The following PTPRE variants were observed in gnomAD, a reference collection of about 807,000 sequenced individuals.
PTPRE encodes protein tyrosine phosphatase receptor type E.
Under a neutral mutation model 102.0 loss-of-function variants are expected in PTPRE, and 51 were observed. The ratio of observed to expected loss-of-function variants is 0.50; its 90% confidence interval spans 0.40 to 0.63. The LOEUF is 0.63. Among genes scored for constraint, PTPRE ranks in the 30% least tolerant of loss-of-function variants. The pLI is 0.00. For missense variants in PTPRE, 752 were observed against 915.1 expected (o/e 0.82, Z 2.30); for synonymous variants, 345 against 348.2 (o/e 0.99, Z 0.10).
intron 17 of PTPRE, 38 bp downstream of exon 17, chr10:128,073,509 C>G (rs1406732454): frequency 1.3e-6 from 2 of 1,599,706 alleles, no homozygotes; most frequent in Non-Finnish European, 1.7e-6. Flanking sequence ...TCCAGGGCAG[C>G]CTGTGCACCT....
chr10:127,918,527 C>G (rs1035895311), intron 1 of PTPRE, among the ~76,000 whole-genome samples: 2 of 150,482 alleles, frequency 1.3e-5, no homozygotes, highest in Non-Finnish European at 3.0e-5. Context: ...CCACTGCACT[C>G]CAGCCTGGGC....
intron 1 of PTPRE, among the ~76,000 whole-genome samples, chr10:127,978,896 C>T (rs1202681733): frequency 6.6e-6 from 1 of 152,140 alleles, no homozygotes; most frequent in Non-Finnish European, 1.5e-5. Context: ...TGGTGTGTGC[C>T]TGTAATCCCA....
At position 127,985,135 on chromosome 10, in the gene PTPRE, G is replaced by T. The variant is rs527540786; in HGVS notation, c.-8+2839G>T. On this transcript the variant is annotated intron_variant, in intron 2 of 20. Transcript: ENST00000254667. Reference sequence around the variant, plus strand: ...GGCTGGAGATGGTGCCACAGCCACCGCCCACACTGGGCAGCTGACTGCAGA... The same window carrying T: ...GGCTGGAGATGGTGCCACAGCCACCTCCCACACTGGGCAGCTGACTGCAGA... Among the ~76,000 whole-genome samples the T allele has an allele frequency of 4.6e-5, 7 of 152,360 alleles. No homozygotes were observed. The East Asian group carries it at 1.2e-3, about 25-fold the overall frequency.
chr10:127,955,798 GA>G (rs1849360271), intron 1 of PTPRE, among the ~76,000 whole-genome samples: 1 of 152,188 alleles, frequency 6.6e-6, no homozygotes, highest in Non-Finnish European at 1.5e-5. Flanking sequence ...GCATGACTGG[GA>G]AGCCTCAGAA....
intron 1 of PTPRE, among the ~76,000 whole-genome samples, chr10:127,961,245 A>G (rs2135388578): frequency 6.6e-6 from 1 of 152,308 alleles, no homozygotes; most frequent in African/African-American, 2.4e-5. Flanking sequence ...TCAGCAAAAT[A>G]TCCCAGCTGC....
rs142701016 is a variant in PTPRE, at chr10:128,023,776, G to A, written c.-7-17099G>A. Among the ~76,000 whole-genome samples, 1,271 of 152,326 alleles carry A rather than the reference G, an allele frequency of 8.3e-3. 12 individuals are homozygous for A. Among genetic ancestry groups the A allele is most frequent in the South Asian group, 0.015 (72 of 4,826 alleles). On this transcript the variant is annotated intron_variant, in intron 2 of 20. Transcript: ENST00000254667. Reference sequence around the variant, plus strand: ...ATTGAGGGCAGTGTCCTTGGTGTCTGTGAATTGTAGTTTACTTTTGTCTGT... The same window carrying A: ...ATTGAGGGCAGTGTCCTTGGTGTCTATGAATTGTAGTTTACTTTTGTCTGT...
At chr10:127,943,472 T>A (rs543462560) in intron 1 of PTPRE, among the ~76,000 whole-genome samples, 1 of 152,284 alleles carries the variant, frequency 6.6e-6, no homozygotes, top group South Asian at 2.1e-4. Flanking sequence ...TCCCGTCGTC[T>A]TCTCCCATGC....
chr10:128,038,355 C>T (rs1382275125), intron 2 of PTPRE, among the ~76,000 whole-genome samples: 2 of 152,184 alleles, frequency 1.3e-5, no homozygotes, highest in African/African-American at 4.8e-5. Context: ...GACACATGCA[C>T]ACAGATGTTT....
chr10:128,028,530 A>T lies in PTPRE; in HGVS notation c.-7-12345A>T, dbSNP rs1846450931. ...TACACAGCACACCTGGCCCTGGCTC[A>T]GCCCCCCAATGTGGACAGGTTGCAG... On this transcript the variant is annotated intron_variant, in intron 2 of 20. Transcript: ENST00000254667. This position sits in a 1 kb window ranked among gnomAD's most constrained non-coding sequence, Gnocchi z 4.5. 6.6e-6 allele frequency among the ~76,000 whole-genome samples: 1 copy of T among 152,130 alleles called. No homozygotes were observed. The highest frequency in any genetic ancestry group is 6.5e-5 in the Admixed American group (1 of 15,288).
chr10:128,022,129 G>A (rs150426581), intron 2 of PTPRE, among the ~76,000 whole-genome samples: 1 of 152,324 alleles, frequency 6.6e-6, no homozygotes, highest in African/African-American at 2.4e-5. Flanking sequence ...AGGTAGAAGA[G>A]GTGGTCTTGA....
intron 2 of PTPRE, among the ~76,000 whole-genome samples, chr10:128,016,528 G>T (rs1470287645): frequency 2.0e-5 from 3 of 147,954 alleles, no homozygotes; most frequent in African/African-American, 7.5e-5. Flanking sequence ...TTGCTATGTT[G>T]CCCAGGCTGG....
At chr10:128,049,386 G>A in intron 5 of PTPRE, 144 bp from the exon 6 acceptor site, 2 of 1,049,318 alleles carry the variant, frequency 1.9e-6, no homozygotes, top group African/African-American at 1.6e-5. Context: ...TCGGGACCCG[G>A]CTTAGCCCAG....
chr10:127,912,321 C>T (rs1459356847), intron 1 of PTPRE, among the ~76,000 whole-genome samples: 1 of 152,122 alleles, frequency 6.6e-6, no homozygotes, highest in Admixed American at 6.5e-5. Context: ...TAAACATATC[C>T]TTTTATATTG....
At position 127,940,686 on chromosome 10, in the gene PTPRE, G is replaced by A. The variant is rs890187323; in HGVS notation, c.-31+33377G>A. ...TAAAGTTCTAGGCCTATTGTCCATCGTTTCTTGAGACAGGGTCTTGCTCTG... is the reference window on the plus strand; with the variant it reads ...TAAAGTTCTAGGCCTATTGTCCATCATTTCTTGAGACAGGGTCTTGCTCTG... On this transcript the variant is annotated intron_variant, in intron 1 of 20. Transcript: ENST00000254667. Among the ~76,000 whole-genome samples, 6 of 152,112 alleles carry A rather than the reference G, an allele frequency of 3.9e-5. No homozygotes were observed. The South Asian group carries it at 6.2e-4, about 16-fold the overall frequency.
At chr10:127,918,238 A>G (rs1456892878) in intron 1 of PTPRE, among the ~76,000 whole-genome samples, 3 of 152,030 alleles carry the variant, frequency 2.0e-5, no homozygotes, top group South Asian at 2.1e-4. Context: ...GCTGGCTTGG[A>G]GCACCCCCTT....
chr10:128,074,943 A>C (rs1851106313), intron 17 of PTPRE, among the ~76,000 whole-genome samples: 1 of 152,184 alleles, frequency 6.6e-6, no homozygotes. Context: ...TTTTTGATTA[A>C]AGCCATCCTA....
intron 1 of PTPRE, among the ~76,000 whole-genome samples, chr10:127,939,586 C>G (rs1049715221): frequency 1.7e-4 from 26 of 152,102 alleles, no homozygotes; most frequent in African/African-American, 6.3e-4. Flanking sequence ...CAGTCTAGTT[C>G]TGATACACAG....
At chr10:127,995,963 G>C (rs748496909) in intron 2 of PTPRE, among the ~76,000 whole-genome samples, 59 of 152,272 alleles carry the variant, frequency 3.9e-4, no homozygotes, top group Non-Finnish European at 7.2e-4. Flanking sequence ...GGTTCAGCAA[G>C]CCATCTAGCC....
At chr10:128,013,145 A>G (rs903494576) in intron 2 of PTPRE, among the ~76,000 whole-genome samples, 1 of 152,220 alleles carries the variant, frequency 6.6e-6, no homozygotes, top group South Asian at 2.1e-4. Context: ...CTATAATTAC[A>G]TGCTGTTGAC....
Sources: gnomAD v4.1 joint callset for allele counts (sites outside exome capture counted in the v4.1 genomes callset) on GRCh38, gnomAD v4.1.1 for gene constraint, Gnocchi (gnomAD v3.1) non-coding constraint, MANE v1.5 for transcripts, NCBI Gene and HGNC (gene_info 2026-07-23, HGNC 2026-07-21) for gene names.